ACTN4: variants seen among roughly 807,000 people sequenced by gnomAD.
The protein encoded by ACTN4 is actinin alpha 4.
In ACTN4, 18 loss-of-function variants were observed where a neutral mutation model predicts 114.2. That is an observed-to-expected ratio of 0.16 (90% CI 0.11 to 0.23). The LOEUF (loss-of-function observed/expected upper bound fraction) is 0.23. Among genes scored for constraint, ACTN4 ranks in the 10% least tolerant of loss-of-function variants. ACTN4 has a pLI of 1.00. For missense variants in ACTN4, 722 were observed against 1,262.9 expected (o/e 0.57, Z 6.49); for synonymous variants, 515 against 506.3 (o/e 1.02, Z -0.23).
chr19:38,727,159 C>T lies in ACTN4; in HGVS notation c.2337+56C>T. On this transcript the variant is annotated intron_variant, in intron 18 of 20. Transcript: ENST00000252699. This position sits in a 1 kb window ranked among gnomAD's most constrained non-coding sequence, Gnocchi z 5.4. ...CCCTCCCGCCGTTGCCGTACCAGCC[C>T]ACACCTTCGTCTCTGCATCTGTTCG... 1 of 1,612,418 alleles carries T rather than the reference C, an allele frequency of 6.2e-7. No individual in the cohort carries two copies. Among genetic ancestry groups the T allele is most frequent in the Non-Finnish European group, 8.5e-7 (1 of 1,179,268 alleles).
At chr19:38,704,589 G>A (rs1348670321) in intron 3 of ACTN4, among the ~76,000 whole-genome samples, 2 of 152,278 alleles carry the variant, frequency 1.3e-5, no homozygotes, top group Admixed American at 6.5e-5. Flanking sequence ...AGCACTGAGA[G>A]TTGAGAGAGG....
chr19:38,692,202 A>G (rs1420928848), intron 1 of ACTN4, among the ~76,000 whole-genome samples: 5 of 152,168 alleles, frequency 3.3e-5, no homozygotes, highest in Non-Finnish European at 7.4e-5. Flanking sequence ...ATTGCTTTCA[A>G]ATTAGGTTAT....
At chr19:38,659,130 G>T (rs1182691899) in intron 1 of ACTN4, among the ~76,000 whole-genome samples, 2 of 145,376 alleles carry the variant, frequency 1.4e-5, no homozygotes, top group African/African-American at 5.1e-5. Context: ...GTGCAATCTC[G>T]GCTCATTGCA....
At chr19:38,697,610 C>G (rs188504415) in intron 1 of ACTN4, among the ~76,000 whole-genome samples, 1 of 152,252 alleles carries the variant, frequency 6.6e-6, no homozygotes, top group East Asian at 1.9e-4. Flanking sequence ...CCCTGCAGAG[C>G]CTGCAGGAGC....
chr19:38,700,255 G>C (rs1001125969), intron 1 of ACTN4, among the ~76,000 whole-genome samples: 2 of 152,164 alleles, frequency 1.3e-5, no homozygotes, highest in Non-Finnish European at 2.9e-5. Flanking sequence ...GCTTTTGTCT[G>C]GTGTGCGTAC....
At chr19:38,683,569 A>C (rs1300252681) in intron 1 of ACTN4, among the ~76,000 whole-genome samples, 1 of 152,234 alleles carries the variant, frequency 6.6e-6, no homozygotes, top group Non-Finnish European at 1.5e-5. Flanking sequence ...TCTAAAAGAC[A>C]CACAATGGCA....
Position 38,726,994 on chromosome 19 carries a change from T to C in ACTN4, c.2228T>C (p.Ile743Thr). ...GGCTGGGAGCAGCTGCTCACCACCA[T>C]TGCCCGCACCATCAACGAGGTGGAG... ...RVGWEQLLTT[I>T]ARTINEVENQ... Residue 743 changes from isoleucine to threonine, a missense_variant, in exon 18 of 21, where the codon ATT becomes ACT. Ile to Thr is a moderately conservative substitution (Grantham distance 89). Around this residue, in one of 3 missense-constraint regions of ACTN4, gnomAD observed 523 missense variants for 875.9 expected, o/e 0.60. Transcript: ENST00000252699. 1 of 1,614,062 alleles carries C rather than the reference T, an allele frequency of 6.2e-7. No homozygotes were observed. Among genetic ancestry groups the C allele is most frequent in the Non-Finnish European group, 8.5e-7 (1 of 1,180,010 alleles).
chr19:38,691,153 C>T (rs1009001135), intron 1 of ACTN4, among the ~76,000 whole-genome samples: 2 of 152,136 alleles, frequency 1.3e-5, no homozygotes, highest in Admixed American at 6.5e-5. Context: ...TGTTGGCTCA[C>T]GCCTGTAATT....
intron 1 of ACTN4, among the ~76,000 whole-genome samples, chr19:38,674,533 G>A (rs1204151843): frequency 2.6e-5 from 4 of 152,150 alleles, no homozygotes; most frequent in Non-Finnish European, 5.9e-5. Context: ...CCCTAACACA[G>A]CTCATTAAAG....
intron 19 of ACTN4, chr19:38,728,432 C>CTCG: frequency 9.5e-7 from 1 of 1,047,656 alleles, no homozygotes; most frequent in Non-Finnish European, 1.3e-6. Flanking sequence ...CCTCCTCCTC[C>CTCG]TCCTCCTCCT....
chr19:38,727,108 G>A lies in ACTN4; in HGVS notation c.2337+5G>A, dbSNP rs1488301961. ...TCCTTCAACCACTTCGACAAGGTGA[G>A]CAGCCTGCCACCTCCTCGGCCTCTC... is the stretch of plus-strand genomic sequence containing the variant. On this transcript the variant is annotated splice_donor_5th_base_variant and intron_variant, in intron 18 of 20. Coordinates refer to ENST00000252699, the MANE Select transcript of ACTN4 (RefSeq NM_004924.6). The surrounding 1 kb of genome is among the most constrained non-coding windows in gnomAD (Gnocchi z 5.4). The A allele has an allele frequency of 6.2e-7, 1 of 1,613,816 alleles. No individual in the cohort carries two copies. Among genetic ancestry groups the A allele is most frequent in the Non-Finnish European group, 8.5e-7 (1 of 1,179,984 alleles).
intron 1 of ACTN4, among the ~76,000 whole-genome samples, chr19:38,670,552 C>T (rs1967096218): frequency 6.6e-6 from 1 of 152,090 alleles, no homozygotes; most frequent in South Asian, 2.1e-4. Context: ...AGAGCTCTAG[C>T]TGATGGTGGC....
intron 1 of ACTN4, among the ~76,000 whole-genome samples, chr19:38,671,694 A>AT (rs140618584): frequency 0.014 from 2,149 of 152,272 alleles, 55 homozygotes; most frequent in African/African-American, 0.047. Context: ...ACTTCAGGCC[A>AT]TTTTTTCCTA....
intron 5 of ACTN4, among the ~76,000 whole-genome samples, chr19:38,707,633 C>T (rs1292861489): frequency 6.6e-6 from 1 of 152,178 alleles, no homozygotes; most frequent in Admixed American, 6.5e-5. Flanking sequence ...ACGGACTGGC[C>T]TTCCTGTAAG....
Position 38,706,060 on chromosome 19 carries a change from A to C in ACTN4, c.501A>C (p.Glu167Asp). 1.2e-6 allele frequency: 2 copies of C among 1,614,174 alleles called. No homozygotes were observed. Among genetic ancestry groups the C allele is most frequent in the Non-Finnish European group, 1.7e-6 (2 of 1,180,000 alleles). Residue 167 changes from glutamate (E) to aspartate (D), a missense_variant, in exon 5 of 21, where the codon GAA becomes GAC. Coordinates refer to ENST00000252699, the MANE Select transcript of ACTN4 (RefSeq NM_004924.6). The stretch of plus-strand genomic sequence containing the variant: ...GTTTTGCAGAGACCTCGGCCAAGGA[A>C]GGGCTCCTTCTCTGGTGCCAGAGAA... ...DISVEETSAKEGLLLWCQRKT... is the reference protein window; with the variant it reads ...DISVEETSAKDGLLLWCQRKT...
intron 11 of ACTN4, among the ~76,000 whole-genome samples, chr19:38,721,179 C>T (rs774933794): frequency 2.6e-5 from 4 of 152,174 alleles, no homozygotes; most frequent in African/African-American, 7.2e-5. Context: ...GGTGCTTCTC[C>T]GGATCAAAGC....
At chr19:38,725,635 G>T (rs1204421350) in intron 16 of ACTN4, 89 bp from the exon 17 acceptor site, 14 of 1,486,754 alleles carry the variant, frequency 9.4e-6, no homozygotes, top group Non-Finnish European at 1.3e-5. Context: ...CGGGGAAGAT[G>T]CAGGCCAGCA....
intron 1 of ACTN4, among the ~76,000 whole-genome samples, chr19:38,692,780 A>G (rs1215574559): frequency 2.0e-5 from 3 of 152,282 alleles, no homozygotes; most frequent in African/African-American, 7.2e-5. Flanking sequence ...CCTGTGTCCA[A>G]GCCCTGGACA....
rs184602317 is a variant in ACTN4 at position 38,700,454 on chromosome 19, G to A, written c.163-146G>A. ...ACTGTAAGGATCAGAAACAATGTGT[G>A]TATCGGCCATGTACGGTGTGTGTCG... is the stretch of plus-strand genomic sequence containing the variant. On this transcript the variant is annotated intron_variant, in intron 1 of 20. Transcript: ENST00000252699. 6.9e-5 allele frequency: 50 copies of A among 720,134 alleles called. No homozygotes were observed. The East Asian group carries it at 1.2e-3, about 18-fold the overall frequency. 44.6% of individuals were successfully genotyped at this position (720,134 alleles called of 1,614,324 possible).
Sources: gnomAD v4.1 joint callset for allele counts (sites outside exome capture counted in the v4.1 genomes callset) on GRCh38, gnomAD v4.1.1 for gene constraint, gnomAD v4.1.1 regional missense constraint, Gnocchi (gnomAD v3.1) non-coding constraint, MANE v1.5 for transcripts, NCBI Gene and HGNC (gene_info 2026-07-23, HGNC 2026-07-21) for gene names.